GPR141: variants seen among roughly 807,000 people sequenced by gnomAD.
GPR141 encodes G protein-coupled receptor 141, also known as probable G protein-coupled receptor 141.
A neutral mutation model predicts 6.8 loss-of-function variants in GPR141; 6 were observed. That is an observed-to-expected ratio of 0.88 (90% confidence interval 0.48 to 1.74). GPR141 has a LOEUF of 1.74. Among genes scored for constraint, GPR141 ranks in the 40% most tolerant of loss-of-function variants. GPR141 has a pLI of 0.01. For synonymous variants in GPR141, 140 were observed against 142.3 expected, an observed-to-expected ratio of 0.98 and a Z score of 0.11; for missense variants, 372 against 372.9, an observed-to-expected ratio of 1.00 and a Z score of 0.02.
rs2131870669 is a variant in GPR141, at chr7:37,740,736, C to T, written c.343C>T (p.Leu115Phe). Residue 115 changes from leucine (L) to phenylalanine (F), a missense_variant, in exon 3 of 3, where the codon CTC (leucine) becomes TTC (phenylalanine). By Grantham distance (22) the Leu-to-Phe change is conservative. Coordinates refer to ENST00000334425, the MANE Select transcript of GPR141 (RefSeq NM_001381946.1). Reference protein sequence around the residue: ...FYVVILVTRYLIFFKCKDKVE... With the variant: ...FYVVILVTRYFIFFKCKDKVE... ...TGTGGTGATCCTGGTCACCAGATACCTCATCTTCTTCAAGTGCAAAGACAA... is the reference window on the plus strand; with the variant it reads ...TGTGGTGATCCTGGTCACCAGATACTTCATCTTCTTCAAGTGCAAAGACAA... 6.2e-7 allele frequency: 1 copy of T among 1,613,972 alleles called. No homozygotes were observed. Among genetic ancestry groups the T allele is most frequent in the Non-Finnish European group, 8.5e-7 (1 of 1,179,878 alleles).
chr7:37,711,541 A>G (rs933675910), intron 2 of GPR141, among the ~76,000 whole-genome samples: 6 of 152,140 alleles, frequency 3.9e-5, no homozygotes, highest in South Asian at 4.1e-4. Context: ...GGGGTTGTCA[A>G]TTTTTCATCA....
intron 2 of GPR141, among the ~76,000 whole-genome samples, chr7:37,725,688 A>G (rs1165541223): frequency 1.3e-5 from 2 of 152,156 alleles, no homozygotes; most frequent in African/African-American, 4.8e-5. Flanking sequence ...GTGAACCACA[A>G]TTCAGTGGTT....
At chr7:37,684,704 A>G (rs1434202355) in intron 1 of GPR141, among the ~76,000 whole-genome samples, 1 of 152,182 alleles carries the variant, frequency 6.6e-6, no homozygotes. Flanking sequence ...TTGTTATATG[A>G]CTTTTGATAG....
chr7:37,696,016 A>G (rs1192298734), intron 2 of GPR141, among the ~76,000 whole-genome samples: 2 of 152,226 alleles, frequency 1.3e-5, no homozygotes, highest in African/African-American at 4.8e-5. Flanking sequence ...ATGAAAAAAT[A>G]AGTTACCCAT....
At chr7:37,685,752 CTTTTTTT>C (rs35789715) in intron 2 of GPR141, among the ~76,000 whole-genome samples, 169 bp downstream of exon 2, 10 of 113,144 alleles carry the variant, frequency 8.8e-5, no homozygotes, top group African/African-American at 3.0e-4. Flanking sequence ...CCTGGCAGCA[CTTTTTTT>C]TTTTTTTTTT....
At chr7:37,729,100 T>C (rs1438566556) in intron 2 of GPR141, among the ~76,000 whole-genome samples, 1 of 150,934 alleles carries the variant, frequency 6.6e-6, no homozygotes, top group East Asian at 1.9e-4. Context: ...AGGAAGGGGG[T>C]TAGAGAGGAG....
intron 2 of GPR141, among the ~76,000 whole-genome samples, chr7:37,716,519 G>A (rs758618621): frequency 1.3e-5 from 2 of 152,140 alleles, no homozygotes; most frequent in Admixed American, 6.5e-5. Flanking sequence ...ATAAAGATGA[G>A]GAGAGGTAAT....
intron 2 of GPR141, among the ~76,000 whole-genome samples, chr7:37,702,806 C>CAAAA (rs959849960): frequency 1.5e-3 from 18 of 12,380 alleles, no homozygotes; most frequent in East Asian, 9.5e-3. Flanking sequence ...CAGTTCAATT[C>CAAAA]AAAAAAAAAA....
In GPR141 at chr7:37,685,506, G is replaced by GGCTCACTGACTGCA. The variant is rs1399807979; in HGVS notation, c.-89_-76dup. The GGCTCACTGACTGCA allele has an allele frequency of 1.3e-5, 2 of 150,644 alleles. No individual in the cohort carries two copies. Among genetic ancestry groups the GGCTCACTGACTGCA allele is most frequent in the African/African-American group, 2.4e-5 (1 of 40,914 alleles). 9.3% of individuals were successfully genotyped at this position (150,644 alleles called of 1,614,324 possible). On this transcript the variant is annotated 5_prime_UTR_variant, in exon 2 of 3. Transcript: ENST00000334425. Reference sequence around the variant, plus strand: ...GGCTGGAGTTTAGCGACTCAATCATGGCTCACTGACTGCAGCATCGACCTC... The same window carrying GGCTCACTGACTGCA: ...GGCTGGAGTTTAGCGACTCAATCATGGCTCACTGACTGCAGCTCACTGACTGCAGCATCGACCTC...
At chr7:37,725,544 C>T (rs938832172) in intron 2 of GPR141, among the ~76,000 whole-genome samples, 1 of 152,158 alleles carries the variant, frequency 6.6e-6, no homozygotes, top group East Asian at 1.9e-4. Context: ...CAATAATTCT[C>T]CCCCTCCTCC....
At chr7:37,729,004 T>C (rs2709102) in intron 2 of GPR141, among the ~76,000 whole-genome samples, 1 of 151,842 alleles carries the variant, frequency 6.6e-6, no homozygotes, top group Non-Finnish European at 1.5e-5. Flanking sequence ...TACATTTGGG[T>C]CCTAGAGAAA....
At chr7:37,734,254 A>C (rs1348253420) in intron 2 of GPR141, among the ~76,000 whole-genome samples, 1 of 152,228 alleles carries the variant, frequency 6.6e-6, no homozygotes, top group Non-Finnish European at 1.5e-5. Context: ...AATTTGTCTC[A>C]TAACGACTAT....
intron 2 of GPR141, among the ~76,000 whole-genome samples, chr7:37,698,196 GCTT>G (rs1305999980): frequency 2.8e-4 from 42 of 152,154 alleles, no homozygotes; most frequent in African/African-American, 1.0e-3. Context: ...TCAAGCCTCA[GCTT>G]CTCATGTAAG....
At chr7:37,719,302 A>G (rs1321267131) in intron 2 of GPR141, among the ~76,000 whole-genome samples, 5 of 152,204 alleles carry the variant, frequency 3.3e-5, no homozygotes, top group African/African-American at 1.2e-4. Context: ...GCTTTGTCAA[A>G]TCATACACTC....
chr7:37,731,263 C>T (rs750912705), intron 2 of GPR141, among the ~76,000 whole-genome samples: 45 of 152,270 alleles, frequency 3.0e-4, no homozygotes, highest in Non-Finnish European at 5.4e-4. Flanking sequence ...CAGGCTGTTA[C>T]GAGTATGTAG....
At position 37,741,255 on chromosome 7, in the gene GPR141, A is replaced by G. The variant is rs928646174; in HGVS notation, c.862A>G (p.Ser288Gly). The change falls in exon 3 of 3, where the codon AGC becomes GGC. Residue 288 changes from serine to glycine, a missense_variant. Physicochemically the swap from Ser to Gly is moderately conservative, Grantham distance 56. Coordinates refer to ENST00000334425, the MANE Select transcript of GPR141 (RefSeq NM_001381946.1). Reference protein sequence around the residue: ...YDLLLFVFGGSHWFKQKIIGL... With the variant: ...YDLLLFVFGGGHWFKQKIIGL... ...TTTGCTTCTCTTTGTCTTTGGGGGA[A>G]GCCATTGGTTTAAGCAAAAGATAAT... 4 of 1,610,448 alleles carry G rather than the reference A, an allele frequency of 2.5e-6. No homozygotes were observed. The highest frequency in any genetic ancestry group is 3.3e-5 in the Admixed American group (2 of 59,790).
intron 2 of GPR141, among the ~76,000 whole-genome samples, chr7:37,722,405 C>A (rs560729360): frequency 7.8e-4 from 112 of 143,026 alleles, no homozygotes; most frequent in Non-Finnish European, 1.3e-3. Flanking sequence ...AGCCTAAGCA[C>A]TATAGTAAGG....
chr7:37,740,805 G>A lies in GPR141; in HGVS notation c.412G>A (p.Gly138Ser). The change falls in exon 3 of 3, where the codon GGC becomes AGC. Residue 138 changes from glycine (G) to serine (S), a missense_variant. Coordinates refer to ENST00000334425, the MANE Select transcript of GPR141 (RefSeq NM_001381946.1). ...RKLHAVAASA[G>S]MWTLVIVIVV... ...ACTGCATGCTGTGGCTGCCAGTGCT[G>A]GCATGTGGACGCTGGTGATTGTCAT... 1 of 1,614,158 alleles carries A rather than the reference G, an allele frequency of 6.2e-7. No individual in the cohort carries two copies. The highest frequency in any genetic ancestry group is 8.5e-7 in the Non-Finnish European group (1 of 1,179,990).
intron 2 of GPR141, among the ~76,000 whole-genome samples, chr7:37,697,693 A>G (rs2131746246): frequency 6.6e-6 from 1 of 152,344 alleles, no homozygotes; most frequent in Non-Finnish European, 1.5e-5. Context: ...ATTGACACTC[A>G]GGCACATTAA....
Sources: allele counts gnomAD v4.1 joint callset (sites outside exome capture counted in the v4.1 genomes callset), GRCh38; gene constraint gnomAD v4.1.1; transcripts MANE v1.5; gene names NCBI Gene and HGNC (gene_info 2026-07-23, HGNC 2026-07-21).